MYO16: variants seen among roughly 807,000 people sequenced by gnomAD.
MYO16 encodes myosin XVI.
Under a neutral mutation model 205.3 loss-of-function variants are expected in MYO16, and 94 were observed. That is an observed-to-expected ratio of 0.46 (90% CI 0.39 to 0.54). The LOEUF (loss-of-function observed/expected upper bound fraction) is 0.54, where lower values mean the gene tolerates loss of function less well. Among genes scored for constraint, MYO16 ranks in the 20% least tolerant of loss-of-function variants. MYO16 has a pLI of 0.00. For missense variants in MYO16, 2,315 were observed against 2,387.5 expected (o/e 0.97, Z 0.63); for synonymous variants, 988 against 954.0 (o/e 1.04, Z -0.66).
chr13:109,166,534 G>A (rs923408307), intron 33 of MYO16: 1 of 152,220 alleles, frequency 6.6e-6, no homozygotes, highest in Non-Finnish European at 1.5e-5. Flanking sequence ...CGCATGAGCA[G>A]AAGAAAGACT....
At chr13:109,075,995 A>G (rs1019619968) in intron 27 of MYO16, among the ~76,000 whole-genome samples, 1 of 152,178 alleles carries the variant, frequency 6.6e-6, no homozygotes, top group African/African-American at 2.4e-5. Context: ...TTAATTATCT[A>G]TTTGTAGTTT....
At chr13:108,806,166 A>C (rs944481631) in intron 6 of MYO16, among the ~76,000 whole-genome samples, 1 of 152,150 alleles carries the variant, frequency 6.6e-6, no homozygotes, top group African/African-American at 2.4e-5. Flanking sequence ...TGGTAGCTAC[A>C]CAATCATTTT....
chr13:108,496,745 G>A, the MYO16 span, among the ~76,000 whole-genome samples: 2 of 152,220 alleles, frequency 1.3e-5, no homozygotes, highest in African/African-American at 2.4e-5. Context: ...TGTCTGTGTG[G>A]GGGTTGTGAG....
At chr13:108,737,821 A>T (rs1021307197) in intron 4 of MYO16, among the ~76,000 whole-genome samples, 2 of 152,090 alleles carry the variant, frequency 1.3e-5, no homozygotes, top group Non-Finnish European at 2.9e-5. Context: ...AGAGCCTGTT[A>T]TTGGTCTATT....
chr13:108,836,586 GA>G (rs1352630943), intron 9 of MYO16, among the ~76,000 whole-genome samples: 1 of 152,068 alleles, frequency 6.6e-6, no homozygotes, highest in African/African-American at 2.4e-5. Flanking sequence ...GCCAGCCCAT[GA>G]AAGCAGCCGG....
intron 21 of MYO16, among the ~76,000 whole-genome samples, chr13:108,993,430 C>T (rs1884902592): frequency 6.6e-6 from 1 of 152,190 alleles, no homozygotes; most frequent in Admixed American, 6.6e-5. Flanking sequence ...TGATGGATAC[C>T]TACCCGTTAC....
chr13:109,001,275 G>A (rs1162886517), intron 21 of MYO16, among the ~76,000 whole-genome samples: 1 of 152,084 alleles, frequency 6.6e-6, no homozygotes, highest in Non-Finnish European at 1.5e-5. Context: ...GCCTGGGCCA[G>A]GTGGTAGCTG....
chr13:108,937,689 T>A (rs1012709778), intron 16 of MYO16, among the ~76,000 whole-genome samples: 4 of 152,222 alleles, frequency 2.6e-5, no homozygotes, highest in African/African-American at 9.6e-5. Flanking sequence ...TTTCCTTAAG[T>A]AAGCTTTTAA....
chr13:108,763,453 G>A (rs1357787559), intron 4 of MYO16, among the ~76,000 whole-genome samples: 1 of 152,164 alleles, frequency 6.6e-6, no homozygotes, highest in Non-Finnish European at 1.5e-5. Flanking sequence ...CAAGAACACT[G>A]CATAAAATCC....
intron 31 of MYO16, among the ~76,000 whole-genome samples, chr13:109,130,842 C>T (rs1876499830): frequency 6.6e-6 from 1 of 152,154 alleles, no homozygotes; most frequent in South Asian, 2.1e-4. Context: ...ACTAGGCACA[C>T]GTAGCCAATT....
At chr13:108,996,069 A>G (rs1231514220) in intron 21 of MYO16, among the ~76,000 whole-genome samples, 3 of 152,210 alleles carry the variant, frequency 2.0e-5, no homozygotes, top group Non-Finnish European at 4.4e-5. Context: ...TGACCCAGCC[A>G]TCCCATTACT....
intron 28 of MYO16, among the ~76,000 whole-genome samples, chr13:109,113,121 C>T (rs1035865517): frequency 6.6e-6 from 1 of 152,156 alleles, no homozygotes; most frequent in South Asian, 2.1e-4. Context: ...GATCAGAAAG[C>T]AATATGATAT....
intron 10 of MYO16, among the ~76,000 whole-genome samples, chr13:108,847,902 C>T (rs1332208679): frequency 6.6e-6 from 1 of 152,048 alleles, no homozygotes; most frequent in Non-Finnish European, 1.5e-5. Context: ...CTCTCTTTCT[C>T]CCTTCAGACA....
intron 16 of MYO16, among the ~76,000 whole-genome samples, chr13:108,912,648 T>C (rs1174706174): frequency 2.6e-5 from 4 of 152,080 alleles, no homozygotes; most frequent in Admixed American, 6.5e-5. Flanking sequence ...ACCTTGAACA[T>C]CGCTAATTGA....
At chr13:108,588,311 T>A in the MYO16 span, among the ~76,000 whole-genome samples, 1 of 152,170 alleles carries the variant, frequency 6.6e-6, no homozygotes, top group Non-Finnish European at 1.5e-5. Flanking sequence ...TTGACAAATG[T>A]GGCTATTTCC....
chr13:108,664,816 T>G (rs1881653543), intron 1 of MYO16, among the ~76,000 whole-genome samples: 1 of 152,208 alleles, frequency 6.6e-6, no homozygotes, highest in African/African-American at 2.4e-5. Flanking sequence ...CCATTACAGG[T>G]GCTTTGACTG....
At chr13:109,002,589 C>T (rs1484445149) in intron 21 of MYO16, among the ~76,000 whole-genome samples, 2 of 152,208 alleles carry the variant, frequency 1.3e-5, no homozygotes, top group African/African-American at 4.8e-5. Context: ...CTTTCACCCA[C>T]ATTCACGTCT....
At chr13:108,765,344 C>T (rs1885745227) in intron 4 of MYO16, among the ~76,000 whole-genome samples, 1 of 152,094 alleles carries the variant, frequency 6.6e-6, no homozygotes, top group Non-Finnish European at 1.5e-5. Context: ...TCTATTATGA[C>T]AAAACTATTT....
At chr13:109,142,289 T>A (rs1877135186) in intron 32 of MYO16, among the ~76,000 whole-genome samples, 1 of 152,170 alleles carries the variant, frequency 6.6e-6, no homozygotes, top group African/African-American at 2.4e-5. Context: ...AAATGTTTTC[T>A]CAATGGTGTG....
Sources: gnomAD v4.1 joint callset for allele counts (sites outside exome capture counted in the v4.1 genomes callset) on GRCh38, gnomAD v4.1.1 for gene constraint, MANE v1.5 for transcripts, NCBI Gene and HGNC (gene_info 2026-07-23, HGNC 2026-07-21) for gene names.